Variants in SIK3 observed in about 807,000 individuals in gnomAD.
SIK3 encodes SIK family kinase 3, also known as serine/threonine-protein kinase SIK3.
Under a neutral mutation model 144.2 loss-of-function variants are expected in SIK3, and 28 were observed. That is an observed-to-expected ratio of 0.19 (90% CI 0.14 to 0.27). The LOEUF (loss-of-function observed/expected upper bound fraction) is 0.27, where lower values mean the gene tolerates loss of function less well. SIK3 is among the 10% of genes least tolerant of loss of function. The pLI is 1.00. For missense variants in SIK3, 1,319 were observed against 1,776.0 expected (o/e 0.74, Z 4.62); for synonymous variants, 686 against 676.3 (o/e 1.01, Z -0.22).
At chr11:116,987,711 C>T (rs1052490983) in intron 1 of SIK3, among the ~76,000 whole-genome samples, 5 of 152,166 alleles carry the variant, frequency 3.3e-5, no homozygotes, top group African/African-American at 1.2e-4. Context: ...AGCACAGCAA[C>T]AAACTAAAAC....
At chr11:117,002,260 C>G (rs945197936) in intron 1 of SIK3, among the ~76,000 whole-genome samples, 1 of 152,090 alleles carries the variant, frequency 6.6e-6, no homozygotes, top group East Asian at 1.9e-4. Flanking sequence ...AACACAAATT[C>G]ATAAACTTTC....
At chr11:116,999,879 A>G (rs1340624024) in intron 1 of SIK3, among the ~76,000 whole-genome samples, 4 of 152,240 alleles carry the variant, frequency 2.6e-5, no homozygotes, top group South Asian at 2.1e-4. Flanking sequence ...TTGTTGATAC[A>G]TTATTGAGAC....
intron 22 of SIK3, 42 bp from the exon 23 acceptor site, chr11:116,847,650 C>T: frequency 1.2e-6 from 2 of 1,612,006 alleles, no homozygotes; most frequent in Non-Finnish European, 1.7e-6. Context: ...ACACAAGACA[C>T]CACTCTCAGG....
At chr11:116,929,359 T>C (rs1443943516) in intron 3 of SIK3, among the ~76,000 whole-genome samples, 1 of 152,222 alleles carries the variant, frequency 6.6e-6, no homozygotes, top group Non-Finnish European at 1.5e-5. Context: ...TACCCATTAA[T>C]TAAAATGCCC....
intron 15 of SIK3, among the ~76,000 whole-genome samples, chr11:116,865,384 C>G (rs1232749655): frequency 6.6e-6 from 1 of 152,142 alleles, no homozygotes. Flanking sequence ...ATACCCAGGT[C>G]AGTCCAGCAC....
chr11:116,875,166 A>G lies in SIK3; in HGVS notation c.1419T>C (p.Ala473=). 1 of 1,613,538 alleles carries G rather than the reference A, an allele frequency of 6.2e-7. No individual in the cohort carries two copies. The highest frequency in any genetic ancestry group is 8.5e-7 in the Non-Finnish European group (1 of 1,179,680). The part of the protein sequence containing the change: ...LSMRRHTVGV[A]DPRTEVMEDL... ...GTTGGCCGGATACTCACCGTGGGTCAGCCACACCCACTGTGTGCCTCCTCA... is the reference window on the plus strand; with the variant it reads ...GTTGGCCGGATACTCACCGTGGGTCGGCCACACCCACTGTGTGCCTCCTCA... Residue 473 remains alanine, a synonymous_variant, in exon 11 of 25, where the codon GCT becomes GCC. Transcript: ENST00000445177.
intron 1 of SIK3, among the ~76,000 whole-genome samples, chr11:117,078,173 T>A (rs1199478250): frequency 1.3e-5 from 2 of 152,168 alleles, no homozygotes; most frequent in African/African-American, 4.8e-5. Context: ...GGTTCCTACA[T>A]GAGAAAGACA....
intron 1 of SIK3, among the ~76,000 whole-genome samples, chr11:117,091,831 G>A (rs1359660854): frequency 1.3e-5 from 2 of 152,172 alleles, no homozygotes; most frequent in Admixed American, 6.5e-5. Context: ...CACCCAGGCT[G>A]GGATACAATG....
intron 4 of SIK3, 51 bp from the exon 5 acceptor site, chr11:116,897,368 C>G: frequency 6.5e-7 from 1 of 1,527,540 alleles, no homozygotes; most frequent in Non-Finnish European, 9.0e-7. Flanking sequence ...TTTATTATAA[C>G]TGAGCAAACA....
chr11:116,849,422 C>T lies in SIK3; in HGVS notation c.3656-139G>A, dbSNP rs1352594652. 12 of 1,066,538 alleles carry T rather than the reference C, an allele frequency of 1.1e-5. No individual in the cohort carries two copies. The highest frequency in any genetic ancestry group is 4.6e-5 in the South Asian group (3 of 64,850). The allele number at this position is 1,066,538 out of a possible 1,614,324, so 66.1% of individuals were successfully genotyped here. On this transcript the variant is annotated intron_variant, in intron 21 of 24. Transcript: ENST00000445177. This position sits in a 1 kb window ranked among gnomAD's most constrained non-coding sequence, Gnocchi z 4.2. ...ACACCAACCGCTGATCCTCAGCCGG[C>T]GTCATGGCTTAGAGGAGCCTGGACC...
intron 1 of SIK3, among the ~76,000 whole-genome samples, chr11:117,014,239 C>A (rs1054026144): frequency 1.3e-5 from 2 of 151,834 alleles, no homozygotes; most frequent in African/African-American, 4.8e-5. Flanking sequence ...CCAAGTCTTA[C>A]ATCTCTTAGT....
chr11:116,964,675 G>A (rs1443178578), intron 1 of SIK3, among the ~76,000 whole-genome samples: 1 of 152,102 alleles, frequency 6.6e-6, no homozygotes, highest in Non-Finnish European at 1.5e-5. Flanking sequence ...GAGGTCAGGA[G>A]CTCGAGACCA....
At position 117,016,518 on chromosome 11, in the gene SIK3, TA is replaced by T. The variant is rs1565559749; in HGVS notation, c.274-59455del. ...GCTGAGATGTGCCAGAATAAACACATAAGAAAGTTCTTGAGCTAAGCACAGT... is the reference window on the plus strand; with the variant it reads ...GCTGAGATGTGCCAGAATAAACACATAGAAAGTTCTTGAGCTAAGCACAGT... On this transcript the variant is annotated intron_variant, in intron 1 of 24. Transcript: ENST00000445177. 2.6e-5 allele frequency among the ~76,000 whole-genome samples: 4 copies of T among 151,526 alleles called. 1 individual carries two copies. In the South Asian group the frequency reaches 8.4e-4, roughly 32 times the overall value.
chr11:116,939,342 TTCACCATGTTGG>T (rs1472372256), intron 3 of SIK3, among the ~76,000 whole-genome samples: 1 of 152,188 alleles, frequency 6.6e-6, no homozygotes, highest in African/African-American at 2.4e-5. Flanking sequence ...AAGACAAGGT[TTCACCATGTTGG>T]TCAGGCTGGT....
intron 3 of SIK3, among the ~76,000 whole-genome samples, chr11:116,947,966 A>T (rs1412861818): frequency 7.4e-6 from 1 of 135,560 alleles, no homozygotes; most frequent in African/African-American, 2.9e-5. Context: ...ACAGGGTCTC[A>T]CTCTGTTGCC....
intron 1 of SIK3, among the ~76,000 whole-genome samples, chr11:116,959,067 C>G (rs1949247261): frequency 6.6e-6 from 1 of 152,202 alleles, no homozygotes; most frequent in Admixed American, 6.5e-5. Context: ...AGCTGCCAAA[C>G]AGCTGTAATC....
At chr11:116,996,547 C>T (rs1259064272) in intron 1 of SIK3, among the ~76,000 whole-genome samples, 6 of 152,108 alleles carry the variant, frequency 3.9e-5, no homozygotes, top group Non-Finnish European at 7.4e-5. Context: ...AGGCCGGGCA[C>T]GGTGGCTCAC....
intron 1 of SIK3, among the ~76,000 whole-genome samples, chr11:117,097,851 T>C (rs1332169569): frequency 2.6e-5 from 4 of 151,696 alleles, no homozygotes; most frequent in African/African-American, 4.8e-5. Flanking sequence ...GACCCCTTCT[T>C]TCCAATCATC....
intron 21 of SIK3, chr11:116,855,493 T>C (rs934316376): frequency 2.6e-5 from 4 of 152,236 alleles, no homozygotes; most frequent in South Asian, 2.1e-4. Context: ...TGGGGAATTA[T>C]GCTCTCCAGA....
Sources: gnomAD v4.1 joint callset for allele counts (sites outside exome capture counted in the v4.1 genomes callset) on GRCh38, gnomAD v4.1.1 for gene constraint, Gnocchi (gnomAD v3.1) non-coding constraint, MANE v1.5 for transcripts, NCBI Gene and HGNC (gene_info 2026-07-23, HGNC 2026-07-21) for gene names.